STXBP5L: variants seen among roughly 807,000 people sequenced by gnomAD.
STXBP5L encodes the protein syntaxin-binding protein 5-like.
Under a neutral mutation model 144.5 loss-of-function variants are expected in STXBP5L, and 65 were observed. The ratio of observed to expected loss-of-function variants is 0.45; its 90% CI spans 0.37 to 0.55. The LOEUF is 0.55. STXBP5L is among the 20% of genes least tolerant of loss of function. The pLI, the probability that STXBP5L is intolerant of heterozygous loss-of-function variation, is 0.00. For synonymous variants in STXBP5L, 505 were observed against 469.6 expected (o/e 1.08, Z -0.97); for missense variants, 1,298 against 1,405.5 (o/e 0.92, Z 1.22).
At chr3:121,131,765 CA>C (rs2045001538) in intron 7 of STXBP5L, among the ~76,000 whole-genome samples, 1 of 152,176 alleles carries the variant, frequency 6.6e-6, no homozygotes, top group Admixed American at 6.5e-5. Context: ...GGAGTGATAT[CA>C]GCAAAGTGGC....
chr3:121,289,366 A>G (rs182653843), intron 19 of STXBP5L, among the ~76,000 whole-genome samples: 2 of 152,284 alleles, frequency 1.3e-5, no homozygotes, highest in African/African-American at 2.4e-5. Context: ...TTCTAGATTT[A>G]TATGCATCTA....
intron 9 of STXBP5L, among the ~76,000 whole-genome samples, chr3:121,187,749 A>G (rs905115890): frequency 6.6e-6 from 1 of 152,100 alleles, no homozygotes. Context: ...AGTCTGGCAA[A>G]TTGGATAAAG....
At chr3:121,323,024 T>C (rs1056002512) in intron 20 of STXBP5L, among the ~76,000 whole-genome samples, 13 of 152,144 alleles carry the variant, frequency 8.5e-5, no homozygotes, top group Non-Finnish European at 1.6e-4. Flanking sequence ...GTCTTTTGCC[T>C]ACTCTTAATG....
intron 2 of STXBP5L, among the ~76,000 whole-genome samples, chr3:120,947,138 C>T (rs1710906979): frequency 6.6e-6 from 1 of 151,754 alleles, no homozygotes; most frequent in Non-Finnish European, 1.5e-5. Context: ...TTAAGAAGAG[C>T]TAGATATTAA....
At chr3:121,163,800 G>A (rs890503865) in intron 9 of STXBP5L, among the ~76,000 whole-genome samples, 1 of 151,664 alleles carries the variant, frequency 6.6e-6, no homozygotes, top group South Asian at 2.1e-4. Context: ...ATGTCACTGA[G>A]ATGGTAAGCA....
At position 121,053,180 on chromosome 3, in the gene STXBP5L, T is replaced by C. The variant is rs140164136; in HGVS notation, c.470+7645T>C. Among the ~76,000 whole-genome samples the C allele has an allele frequency of 2.9e-3, 435 of 152,284 alleles. 2 individuals carry two copies. The highest frequency in any genetic ancestry group is 1.3e-3 in the Non-Finnish European group (87 of 68,024). Reference sequence around the variant, plus strand: ...TGGCCATATTGCCCAAGATAATTTATAGATTCAATGCCATCCCCATCAAAC... The same window carrying C: ...TGGCCATATTGCCCAAGATAATTTACAGATTCAATGCCATCCCCATCAAAC... On this transcript the variant is annotated intron_variant, in intron 5 of 26. Coordinates refer to ENST00000471454, the MANE Select transcript of STXBP5L (RefSeq NM_001308330.2).
rs117471455 is a variant in STXBP5L, at chr3:121,217,462, G to A, written c.957-5541G>A. Among the ~76,000 whole-genome samples, 11 of 152,112 alleles carry A rather than the reference G, an allele frequency of 7.2e-5. No individual in the cohort carries two copies. The South Asian group carries it at 8.3e-4, about 11-fold the overall frequency. On this transcript the variant is annotated intron_variant, in intron 10 of 26. Coordinates refer to ENST00000471454, the MANE Select transcript of STXBP5L (RefSeq NM_001308330.2). The stretch of plus-strand genomic sequence containing the variant: ...AGTTCTTCAACCCCTTGCACTTCCC[G>A]GGTGAGGTGATGCCCCACCCTGCTT...
chr3:121,116,731 A>G (rs1480203348), intron 6 of STXBP5L, among the ~76,000 whole-genome samples: 1 of 151,954 alleles, frequency 6.6e-6, no homozygotes, highest in Non-Finnish European at 1.5e-5. Context: ...TTTCCCCCCA[A>G]AGTTACTTTA....
chr3:121,140,576 C>G (rs551058868), intron 7 of STXBP5L, among the ~76,000 whole-genome samples: 125 of 152,218 alleles, frequency 8.2e-4, no homozygotes, highest in Non-Finnish European at 1.5e-3. Context: ...ATGAAATCTT[C>G]TCATTCGCGA....
chr3:121,157,464 T>A, intron 8 of STXBP5L, 40 bp from the exon 9 acceptor site: 4 of 1,532,298 alleles, frequency 2.6e-6, no homozygotes, highest in African/African-American at 2.9e-5. Flanking sequence ...ACCTATCTAC[T>A]TTTTTCCCCC....
intron 7 of STXBP5L, among the ~76,000 whole-genome samples, chr3:121,141,835 A>G (rs529864788): frequency 6.6e-6 from 1 of 152,230 alleles, no homozygotes; most frequent in South Asian, 2.1e-4. Context: ...GCAAGAGAGG[A>G]AAGGACAGAC....
At chr3:121,042,075 T>C (rs889073787) in intron 4 of STXBP5L, among the ~76,000 whole-genome samples, 1 of 152,142 alleles carries the variant, frequency 6.6e-6, no homozygotes, top group Non-Finnish European at 1.5e-5. Context: ...TCACTGGCCA[T>C]TAATTTTTTT....
chr3:120,999,477 A>G (rs150406709), intron 3 of STXBP5L, among the ~76,000 whole-genome samples: 2 of 152,184 alleles, frequency 1.3e-5, no homozygotes, highest in East Asian at 3.9e-4. Context: ...TACACGTGAC[A>G]TTGGTCTCTC....
In STXBP5L at chr3:121,311,171, G is replaced by A. The variant is rs566666457; in HGVS notation, c.2111-7304G>A. On this transcript the variant is annotated intron_variant, in intron 19 of 26. Transcript: ENST00000471454. ...TCAGAGAAATTTAAAATCATAATAA[G>A]ATACTACTATGACCAGAAGGACTAA... is the stretch of plus-strand genomic sequence containing the variant. Among the ~76,000 whole-genome samples the A allele has an allele frequency of 2.0e-5, 3 of 152,226 alleles. No individual in the cohort carries two copies. In the South Asian group the frequency reaches 6.2e-4, roughly 32 times the overall value.
chr3:121,347,226 T>G (rs1157633468), intron 20 of STXBP5L, among the ~76,000 whole-genome samples: 3 of 152,216 alleles, frequency 2.0e-5, no homozygotes, highest in African/African-American at 7.2e-5. Flanking sequence ...TCCCCATTTC[T>G]TGTTTTTGTC....
At chr3:121,209,626 C>T (rs940468304) in intron 10 of STXBP5L, among the ~76,000 whole-genome samples, 20 of 151,980 alleles carry the variant, frequency 1.3e-4, no homozygotes, top group Admixed American at 1.2e-3. Context: ...TGTTCCCCTT[C>T]CTGTTTCCAA....
chr3:121,219,779 T>C (rs571026331), intron 10 of STXBP5L, among the ~76,000 whole-genome samples: 1 of 152,272 alleles, frequency 6.6e-6, no homozygotes, highest in African/African-American at 2.4e-5. Flanking sequence ...ATGGAGATAA[T>C]AATAGTAGTT....
At chr3:121,272,919 A>G (rs1419034016) in intron 18 of STXBP5L, among the ~76,000 whole-genome samples, 1 of 152,060 alleles carries the variant, frequency 6.6e-6, no homozygotes, top group East Asian at 1.9e-4. Flanking sequence ...CCTCCAGCAC[A>G]CATTTTATAT....
chr3:121,418,221 T>A, intron 25 of STXBP5L, 116 bp from the exon 26 acceptor site: 3 of 1,206,326 alleles, frequency 2.5e-6, no homozygotes, highest in South Asian at 1.6e-5. Context: ...AATAAGACTC[T>A]CTTTTAATGA....
Sources: allele counts gnomAD v4.1 joint callset (sites outside exome capture counted in the v4.1 genomes callset), GRCh38; gene constraint gnomAD v4.1.1; transcripts MANE v1.5; gene names NCBI Gene and HGNC (gene_info 2026-07-23, HGNC 2026-07-21).